Variants in SLC26A3 observed in about 807,000 individuals in gnomAD.
The protein encoded by SLC26A3 is chloride anion exchanger.
A neutral mutation model predicts 85.6 loss-of-function variants in SLC26A3; 64 were observed. That is an observed-to-expected ratio of 0.75 (90% CI 0.61 to 0.92). SLC26A3 has a LOEUF of 0.92. SLC26A3 is among the 40% of genes least tolerant of loss of function. The pLI is 0.00. For synonymous variants in SLC26A3, 349 were observed against 336.0 expected, an observed-to-expected ratio of 1.04 and a Z score of -0.42; for missense variants, 922 against 927.3, an observed-to-expected ratio of 0.99 and a Z score of 0.07.
chr7:107,791,260 G>A, intron 4 of SLC26A3, 25 bp from the exon 5 acceptor site: 1 of 1,602,186 alleles, frequency 6.2e-7, no homozygotes, highest in Non-Finnish European at 8.6e-7. Flanking sequence ...GTGAATCGTG[G>A]TCAGTATATG....
intron 18 of SLC26A3, among the ~76,000 whole-genome samples, chr7:107,768,545 G>A (rs778470724): frequency 1.3e-5 from 2 of 152,190 alleles, no homozygotes; most frequent in Non-Finnish European, 2.9e-5. Flanking sequence ...TGCCCTCAAG[G>A]AAGATAGAAC....
chr7:107,782,728 T>C, intron 11 of SLC26A3, 69 bp downstream of exon 11: 1 of 1,428,544 alleles, frequency 7.0e-7, no homozygotes, highest in Non-Finnish European at 9.9e-7. Context: ...GTTTGTGCTT[T>C]CAGAATTTAA....
At chr7:107,784,949 G>A (rs1794268816) in intron 8 of SLC26A3, among the ~76,000 whole-genome samples, 1 of 152,016 alleles carries the variant, frequency 6.6e-6, no homozygotes, top group Non-Finnish European at 1.5e-5. Flanking sequence ...AACTACTAAG[G>A]TGGCATAGTC....
At chr7:107,768,006 C>A in intron 18 of SLC26A3, 98 bp from the exon 19 acceptor site, 2 of 1,076,680 alleles carry the variant, frequency 1.9e-6, no homozygotes, top group East Asian at 2.5e-5. Context: ...TGCAAATGTG[C>A]GTTTCATTGA....
At chr7:107,800,110 T>A (rs1485435649) in intron 1 of SLC26A3, among the ~76,000 whole-genome samples, 2 of 152,218 alleles carry the variant, frequency 1.3e-5, no homozygotes, top group Non-Finnish European at 1.5e-5. Context: ...CCTAACACGC[T>A]ATGATATTTA....
At chr7:107,772,154 G>T in intron 17 of SLC26A3, 46 bp from the exon 18 acceptor site, 1 of 1,088,500 alleles carries the variant, frequency 9.2e-7, no homozygotes, top group Non-Finnish European at 1.4e-6. Flanking sequence ...AGTTTCACTT[G>T]TCAGAAATAT....
chr7:107,779,103 G>A (rs973958073), intron 12 of SLC26A3, among the ~76,000 whole-genome samples: 1 of 152,110 alleles, frequency 6.6e-6, no homozygotes, highest in African/African-American at 2.4e-5. Context: ...TGCCAAAAGG[G>A]TGTTAAAACG....
intron 1 of SLC26A3, among the ~76,000 whole-genome samples, chr7:107,797,082 T>C (rs892802221): frequency 6.6e-6 from 1 of 152,218 alleles, no homozygotes; most frequent in South Asian, 2.1e-4. Flanking sequence ...TGGGCTTTCT[T>C]ATACCTCCAG....
chr7:107,800,424 A>C (rs1794579958), intron 1 of SLC26A3, among the ~76,000 whole-genome samples: 1 of 152,244 alleles, frequency 6.6e-6, no homozygotes, highest in Non-Finnish European at 1.5e-5. Flanking sequence ...TTTGTCAGGA[A>C]CTCAGTTCCT....
rs1794240035 is a variant in SLC26A3 at position 107,783,252 on chromosome 7, C to T, written c.1072G>A (p.Ala358Thr). 1.2e-6 allele frequency: 2 copies of T among 1,614,068 alleles called. No homozygotes were observed. Among genetic ancestry groups the T allele is most frequent in the Admixed American group, 1.7e-5 (1 of 59,988 alleles). ...MVAFAVAFSV[A>T]SVYSLKYDYP... ...TCGTATTTGAGGGAATAGACGCTGG[C>T]AACTGAAAAGGCCACTGCAAATGCA... The change falls in exon 9 of 21, where the codon GCC becomes ACC. Residue 358 changes from alanine (A) to threonine (T), a missense_variant. Physicochemically the swap from Ala to Thr is moderately conservative, Grantham distance 58. Transcript: ENST00000340010.
intron 5 of SLC26A3, among the ~76,000 whole-genome samples, chr7:107,790,381 A>G (rs1319941924): frequency 6.6e-6 from 1 of 152,252 alleles, no homozygotes; most frequent in Non-Finnish European, 1.5e-5. Context: ...TATTAGAAAT[A>G]ACTAACCAAA....
At chr7:107,787,979 C>T (rs1794326800) in intron 6 of SLC26A3, among the ~76,000 whole-genome samples, 1 of 152,206 alleles carries the variant, frequency 6.6e-6, no homozygotes, top group South Asian at 2.1e-4. Context: ...AGCTGACTCT[C>T]TATGTCACTT....
rs573315204 is a variant in SLC26A3, at chr7:107,782,379, T to C, written c.1311+418A>G. On this transcript the variant is annotated intron_variant, in intron 11 of 20. Coordinates refer to ENST00000340010, the MANE Select transcript of SLC26A3 (RefSeq NM_000111.3). ...TGTTGGTCTTGGAGTTAAACCAAAG[T>C]TCTAGAAGCTTCAGGGTGTGTTCCT... is the stretch of plus-strand genomic sequence containing the variant. 2.0e-5 allele frequency among the ~76,000 whole-genome samples: 3 copies of C among 152,234 alleles called. No homozygotes were observed. The East Asian group carries it at 5.8e-4, about 29-fold the overall frequency.
intron 17 of SLC26A3, among the ~76,000 whole-genome samples, chr7:107,772,855 C>T (rs918356096): frequency 6.6e-6 from 1 of 151,900 alleles, no homozygotes; most frequent in African/African-American, 2.4e-5. Flanking sequence ...GAAAAGAAAA[C>T]GCAAGTAGAC....
chr7:107,778,321 G>A, intron 12 of SLC26A3, 40 bp from the exon 13 acceptor site: 13 of 1,049,878 alleles, frequency 1.2e-5, no homozygotes, highest in Non-Finnish European at 1.7e-5. Context: ...AATTTACTTT[G>A]ATTAAAGTAC....
intron 8 of SLC26A3, among the ~76,000 whole-genome samples, chr7:107,786,389 C>T (rs1348450904): frequency 3.9e-5 from 6 of 152,006 alleles, no homozygotes; most frequent in South Asian, 2.1e-4. Context: ...CTTGAACTCC[C>T]GGGCTCAAGT....
At chr7:107,785,566 A>G (rs950506467) in intron 8 of SLC26A3, among the ~76,000 whole-genome samples, 2 of 152,104 alleles carry the variant, frequency 1.3e-5, no homozygotes, top group Admixed American at 6.5e-5. Flanking sequence ...CATTTTTTCT[A>G]TTTGGTTTAT....
intron 18 of SLC26A3, among the ~76,000 whole-genome samples, chr7:107,769,977 CT>C (rs1793976779): frequency 6.8e-6 from 1 of 146,472 alleles, no homozygotes; most frequent in Non-Finnish European, 1.5e-5. Context: ...GCCTCCCTCC[CT>C]CCCTTCCTTC....
intron 18 of SLC26A3, among the ~76,000 whole-genome samples, chr7:107,769,997 TTTCTCTTTCTTTCTTTCTTTCTTTCTTTC>T (rs1433657230): frequency 3.3e-5 from 4 of 121,266 alleles, no homozygotes; most frequent in Non-Finnish European, 6.6e-5. Flanking sequence ...TCCTTCCTTT[TTTCTCTTTCTTTCTTTCTTTCTTTCTTTC>T]TTTCTTTCTT....
Sources: allele counts gnomAD v4.1 joint callset (sites outside exome capture counted in the v4.1 genomes callset), GRCh38; gene constraint gnomAD v4.1.1; transcripts MANE v1.5; gene names NCBI Gene and HGNC (gene_info 2026-07-23, HGNC 2026-07-21).